Variants in CDH13 observed in about 807,000 individuals in gnomAD.
The protein encoded by CDH13 is cadherin 13, also known as cadherin-13.
A neutral mutation model predicts 63.8 loss-of-function variants in CDH13; 24 were observed. That is an observed-to-expected ratio of 0.38 (90% confidence interval 0.27 to 0.53). The LOEUF (loss-of-function observed/expected upper bound fraction) is 0.53. Ranked by LOEUF, CDH13 falls within the 20% of genes least tolerant of loss-of-function variation. CDH13 has a pLI of 0.85. For synonymous variants in CDH13, 503 were observed against 355.3 expected, an observed-to-expected ratio of 1.42 and a Z score of -4.67; for missense variants, 1,049 against 903.1, an observed-to-expected ratio of 1.16 and a Z score of -2.07.
chr16:82,752,682 C>T (rs2034465624), intron 1 of CDH13, among the ~76,000 whole-genome samples: 1 of 152,208 alleles, frequency 6.6e-6, no homozygotes, highest in Non-Finnish European at 1.5e-5. Flanking sequence ...TTGAGCCAGT[C>T]GTTCCAAAGG....
chr16:83,036,853 C>CA (rs1269985499), intron 3 of CDH13, among the ~76,000 whole-genome samples: 2 of 152,168 alleles, frequency 1.3e-5, no homozygotes, highest in African/African-American at 4.8e-5. Flanking sequence ...CCTGCACACC[C>CA]ATACACCCCA....
intron 1 of CDH13, among the ~76,000 whole-genome samples, chr16:82,683,969 T>A (rs1463156926): frequency 6.6e-6 from 1 of 152,256 alleles, no homozygotes; most frequent in Non-Finnish European, 1.5e-5. Context: ...TCTAGTCTCC[T>A]CTTTTATTAA....
At chr16:82,967,387 A>C (rs539284306) in intron 2 of CDH13, among the ~76,000 whole-genome samples, 1 of 152,128 alleles carries the variant, frequency 6.6e-6, no homozygotes, top group Non-Finnish European at 1.5e-5. Context: ...TGACTTCCCC[A>C]TTAGGGTGTA....
At chr16:83,413,637 T>A (rs1345578443) in intron 6 of CDH13, among the ~76,000 whole-genome samples, 1 of 152,200 alleles carries the variant, frequency 6.6e-6, no homozygotes, top group Non-Finnish European at 1.5e-5. Context: ...CATAATAGGC[T>A]GTGCCAACCC....
intron 10 of CDH13, among the ~76,000 whole-genome samples, chr16:83,714,798 T>A (rs114530133): frequency 2.3e-3 from 353 of 152,244 alleles, no homozygotes; most frequent in African/African-American, 8.3e-3. Flanking sequence ...CTTAATCTGC[T>A]TGAAGGAGAG....
intron 2 of CDH13, among the ~76,000 whole-genome samples, chr16:82,986,957 A>C (rs1911021487): frequency 2.0e-5 from 3 of 152,234 alleles, no homozygotes; most frequent in Non-Finnish European, 2.9e-5. Flanking sequence ...AAAACATGTG[A>C]GGAAACACTT....
chr16:83,347,914 G>A (rs1311254271), intron 6 of CDH13, among the ~76,000 whole-genome samples: 1 of 152,174 alleles, frequency 6.6e-6, no homozygotes, highest in Admixed American at 6.5e-5. Flanking sequence ...AGAACCAGCT[G>A]GGTGGAGTGG....
intron 7 of CDH13, among the ~76,000 whole-genome samples, chr16:83,540,420 C>T (rs1255317046): frequency 6.6e-6 from 1 of 152,112 alleles, no homozygotes; most frequent in African/African-American, 2.4e-5. Context: ...AACCTGTGTT[C>T]AGTTAAGCAG....
chr16:83,204,848 T>C (rs1170951794), intron 4 of CDH13, among the ~76,000 whole-genome samples: 1 of 152,224 alleles, frequency 6.6e-6, no homozygotes. Flanking sequence ...ATTTGGAACA[T>C]TGCTGGTCAC....
At chr16:82,842,115 T>TAC (rs1314502860) in intron 1 of CDH13, among the ~76,000 whole-genome samples, 1 of 51,840 alleles carries the variant, frequency 1.9e-5, no homozygotes, top group Non-Finnish European at 4.2e-5. Flanking sequence ...TATATATGTA[T>TAC]ATATATATAT....
At chr16:82,932,477 T>G (rs918897355) in intron 2 of CDH13, among the ~76,000 whole-genome samples, 2 of 152,156 alleles carry the variant, frequency 1.3e-5, no homozygotes, top group Admixed American at 6.5e-5. Flanking sequence ...TTCCACAAAC[T>G]TTTCCATTAA....
At chr16:82,732,509 T>C (rs1454999612) in intron 1 of CDH13, among the ~76,000 whole-genome samples, 1 of 152,204 alleles carries the variant, frequency 6.6e-6, no homozygotes, top group Admixed American at 6.5e-5. Context: ...GACAAATCTA[T>C]TTCTGAAGCT....
chr16:83,005,377 T>C (rs6565099), intron 2 of CDH13, among the ~76,000 whole-genome samples: 84,797 of 151,946 alleles, frequency 0.56, 23,896 homozygotes, highest in Middle Eastern at 0.6. Flanking sequence ...TTCCAGTTCC[T>C]TACCTCCTGT....
intron 2 of CDH13, among the ~76,000 whole-genome samples, chr16:82,979,171 G>T (rs965653966): frequency 4.6e-5 from 7 of 152,220 alleles, no homozygotes; most frequent in Non-Finnish European, 1.0e-4. Context: ...TTTATCCAAT[G>T]CCTGTACCCC....
intron 1 of CDH13, among the ~76,000 whole-genome samples, chr16:82,755,231 C>G (rs533344848): frequency 6.6e-6 from 1 of 152,288 alleles, no homozygotes; most frequent in African/African-American, 2.4e-5. Flanking sequence ...GCAGCTTGAG[C>G]CTCACCTTAA....
intron 7 of CDH13, among the ~76,000 whole-genome samples, chr16:83,567,537 T>C (rs1026717192): frequency 9.2e-5 from 14 of 152,294 alleles, no homozygotes; most frequent in African/African-American, 3.4e-4. Flanking sequence ...TATTTAAAAA[T>C]TTTTTAAAAA....
At chr16:83,450,010 C>T (rs765534546) in intron 6 of CDH13, among the ~76,000 whole-genome samples, 4 of 152,178 alleles carry the variant, frequency 2.6e-5, no homozygotes, top group South Asian at 2.1e-4. Flanking sequence ...ATAGTTCCCC[C>T]GCCCCGACCC....
intron 3 of CDH13, among the ~76,000 whole-genome samples, chr16:83,055,066 T>A (rs1446274424): frequency 6.6e-6 from 1 of 152,050 alleles, no homozygotes; most frequent in African/African-American, 2.4e-5. Flanking sequence ...TTAGAAACTA[T>A]GCAATATATG....
chr16:83,335,478 C>A (rs2090573134), intron 5 of CDH13, among the ~76,000 whole-genome samples: 1 of 152,108 alleles, frequency 6.6e-6, no homozygotes, highest in Admixed American at 6.5e-5. Context: ...TACATCCCTG[C>A]TTACATGTAG....
Sources: allele counts gnomAD v4.1 joint callset (sites outside exome capture counted in the v4.1 genomes callset), GRCh38; gene constraint gnomAD v4.1.1; transcripts MANE v1.5; gene names NCBI Gene and HGNC (gene_info 2026-07-23, HGNC 2026-07-21).